TRIP4: variants seen among roughly 807,000 people sequenced by gnomAD.
TRIP4 encodes activating signal cointegrator 1.
In TRIP4, 54 loss-of-function variants were observed where a neutral mutation model predicts 81.8. The ratio of observed to expected loss-of-function variants is 0.66; its 90% CI spans 0.53 to 0.83. The LOEUF (loss-of-function observed/expected upper bound fraction) is 0.83. Ranked by LOEUF, TRIP4 falls within the 40% of genes least tolerant of loss-of-function variation. The pLI, the probability that TRIP4 is intolerant of heterozygous loss-of-function variation, is 0.00. For synonymous variants in TRIP4, 270 were observed against 242.8 expected, an observed-to-expected ratio of 1.11 and a Z score of -1.04; for missense variants, 662 against 683.6, an observed-to-expected ratio of 0.97 and a Z score of 0.35.
chr15:64,404,490 T>G (rs1891580789), intron 5 of TRIP4, among the ~76,000 whole-genome samples: 1 of 151,598 alleles, frequency 6.6e-6, no homozygotes, highest in Non-Finnish European at 1.5e-5. Flanking sequence ...CCAGCTAATT[T>G]TTGCATTTAT....
chr15:64,424,339 G>A, intron 10 of TRIP4, 184 bp downstream of exon 10: 1 of 723,224 alleles, frequency 1.4e-6, no homozygotes, highest in South Asian at 3.0e-5. Context: ...TGTCAAAACA[G>A]TGCAAATAAA....
intron 4 of TRIP4, among the ~76,000 whole-genome samples, chr15:64,399,702 A>C (rs1027229699): frequency 6.6e-6 from 1 of 152,008 alleles, no homozygotes; most frequent in South Asian, 2.1e-4. Context: ...GGGTTTCTCT[A>C]TATTGACCAC....
At chr15:64,436,842 C>T (rs910162888) in intron 11 of TRIP4, among the ~76,000 whole-genome samples, 2 of 116,032 alleles carry the variant, frequency 1.7e-5, no homozygotes, top group Non-Finnish European at 3.3e-5. Flanking sequence ...GGCGCGATCT[C>T]GGCTGCAGGT....
intron 7 of TRIP4, among the ~76,000 whole-genome samples, chr15:64,413,252 G>A (rs1394239463): frequency 6.6e-6 from 1 of 151,900 alleles, no homozygotes; most frequent in Non-Finnish European, 1.5e-5. Flanking sequence ...CAAGCTGGAG[G>A]GCAGTGGCGC....
chr15:64,394,100 T>A lies in TRIP4; in HGVS notation c.256T>A (p.Cys86Ser). ...QELISDPLQQ[C>S]FKKDEILDGQ... is the part of the protein sequence containing the mutation. ...GTTGATTTCGGATCCTTTGCAGCAG[T>A]GCTTCAAAAAAGATGGTAAGTTAAT... Residue 86 changes from cysteine to serine, a missense_variant, in exon 2 of 13, where the codon TGC (cysteine) becomes AGC (serine). Cys to Ser is a moderately radical substitution (Grantham distance 112). Coordinates refer to ENST00000261884, the MANE Select transcript of TRIP4 (RefSeq NM_016213.5). 6.3e-7 allele frequency: 1 copy of A among 1,597,040 alleles called. No individual in the cohort carries two copies. The highest frequency in any genetic ancestry group is 8.5e-7 in the Non-Finnish European group (1 of 1,171,990).
At chr15:64,415,161 C>T (rs977065941) in intron 8 of TRIP4, among the ~76,000 whole-genome samples, 1 of 151,404 alleles carries the variant, frequency 6.6e-6, no homozygotes, top group Non-Finnish European at 1.5e-5. Context: ...AAATTCCAGG[C>T]AGAATGAATT....
chr15:64,407,450 G>A (rs1045446511), intron 6 of TRIP4, among the ~76,000 whole-genome samples: 3 of 151,270 alleles, frequency 2.0e-5, no homozygotes, highest in African/African-American at 4.9e-5. Context: ...GGTGGATCAC[G>A]AGATCAGGAG....
chr15:64,407,609 G>A (rs1032620244), intron 6 of TRIP4, among the ~76,000 whole-genome samples: 1 of 152,096 alleles, frequency 6.6e-6, no homozygotes, highest in Non-Finnish European at 1.5e-5. Flanking sequence ...GGAGCTTGCA[G>A]TGAGCCAAGA....
intron 12 of TRIP4, among the ~76,000 whole-genome samples, chr15:64,446,545 C>T (rs531842261): frequency 2.0e-5 from 3 of 150,674 alleles, no homozygotes; most frequent in South Asian, 4.2e-4. Flanking sequence ...GCTGGGACTA[C>T]AGGCATCTGC....
intron 11 of TRIP4, among the ~76,000 whole-genome samples, chr15:64,429,654 A>G (rs1892227039): frequency 6.6e-6 from 1 of 152,200 alleles, no homozygotes; most frequent in South Asian, 2.1e-4. Context: ...TTTACATACT[A>G]CAGAACTGGT....
At chr15:64,441,248 G>T (rs902133763) in intron 11 of TRIP4, among the ~76,000 whole-genome samples, 9 of 151,680 alleles carry the variant, frequency 5.9e-5, no homozygotes, top group Non-Finnish European at 1.0e-4. Flanking sequence ...CGCCCGCTTT[G>T]GCCTCCCAAA....
intron 8 of TRIP4, among the ~76,000 whole-genome samples, chr15:64,415,506 C>T (rs1162204098): frequency 6.6e-6 from 1 of 152,180 alleles, no homozygotes; most frequent in Non-Finnish European, 1.5e-5. Context: ...AGAATGCTTA[C>T]TTACCTCTTT....
chr15:64,404,427 TCTC>T (rs1891578805), intron 5 of TRIP4, among the ~76,000 whole-genome samples: 1 of 152,082 alleles, frequency 6.6e-6, no homozygotes, highest in South Asian at 2.1e-4. Context: ...TTCAAGCAAT[TCTC>T]CTGCCTCAGC....
chr15:64,444,556 G>A (rs1447861707), intron 11 of TRIP4: 1 of 152,152 alleles, frequency 6.6e-6, no homozygotes, highest in Non-Finnish European at 1.5e-5. Context: ...GCTAGAGAAG[G>A]GCTATGTGTA....
intron 4 of TRIP4, 141 bp from the exon 5 acceptor site, chr15:64,400,602 G>T: frequency 3.1e-5 from 18 of 577,582 alleles, no homozygotes; most frequent in Admixed American, 6.3e-5. Context: ...TTTATATTTT[G>T]GTGTGTTTGG....
At chr15:64,392,045 C>T (rs1255837012) in intron 1 of TRIP4, among the ~76,000 whole-genome samples, 3 of 146,056 alleles carry the variant, frequency 2.1e-5, no homozygotes, top group Non-Finnish European at 3.0e-5. Context: ...AAGGCTGAGG[C>T]GGGCAAATCA....
intron 5 of TRIP4, among the ~76,000 whole-genome samples, chr15:64,401,500 G>A (rs1891507751): frequency 6.6e-6 from 1 of 152,250 alleles, no homozygotes; most frequent in African/African-American, 2.4e-5. Flanking sequence ...TTGAACTCAT[G>A]ACCTCAAGTG....
intron 10 of TRIP4, 126 bp downstream of exon 10, chr15:64,424,281 G>A (rs1300544380): frequency 1.5e-6 from 2 of 1,338,608 alleles, no homozygotes; most frequent in African/African-American, 2.9e-5. Context: ...CTTTGTATAT[G>A]TTTGTTTGTT....
intron 1 of TRIP4, among the ~76,000 whole-genome samples, chr15:64,389,416 G>C (rs1390432399): frequency 2.6e-5 from 4 of 152,094 alleles, no homozygotes; most frequent in Non-Finnish European, 4.4e-5. Context: ...AGGATTGCTT[G>C]AGACTGGGAG....
Sources: allele counts gnomAD v4.1 joint callset (sites outside exome capture counted in the v4.1 genomes callset), GRCh38; gene constraint gnomAD v4.1.1; transcripts MANE v1.5; gene names NCBI Gene and HGNC (gene_info 2026-07-23, HGNC 2026-07-21).